Variants in TINAG observed in about 807,000 individuals in gnomAD.
TINAG encodes the protein tubulointerstitial nephritis antigen.
In TINAG, 83 loss-of-function variants were observed where a neutral mutation model predicts 72.7. The observed-to-expected ratio is 1.14, with a 90% CI of 0.96 to 1.37. TINAG has a LOEUF of 1.37. Among genes scored for constraint, TINAG ranks in the 40% most tolerant of loss-of-function variants. The pLI, the probability that TINAG is intolerant of heterozygous loss-of-function variation, is 0.00. For missense variants in TINAG, 685 were observed against 576.6 expected (o/e 1.19, Z -1.93); for synonymous variants, 234 against 189.9 (o/e 1.23, Z -1.91).
chr6:54,358,426 T>C (rs893776048), intron 9 of TINAG, among the ~76,000 whole-genome samples: 1 of 151,644 alleles, frequency 6.6e-6, no homozygotes, highest in South Asian at 2.1e-4. Flanking sequence ...CGTTGATCAG[T>C]AATGCACTTA....
At chr6:54,377,115 T>A (rs1348711026) in intron 9 of TINAG, among the ~76,000 whole-genome samples, 1 of 152,100 alleles carries the variant, frequency 6.6e-6, no homozygotes, top group Admixed American at 6.6e-5. Flanking sequence ...AGAACCGTAT[T>A]ATGTGGATTT....
upstream of TINAG, chr6:54,307,941 T>C: frequency 1.7e-6 from 2 of 1,191,296 alleles, no homozygotes; most frequent in Non-Finnish European, 2.4e-6. Context: ...TAGGTTCCAC[T>C]AAGCCTTGAA....
intron 1 of TINAG, among the ~76,000 whole-genome samples, chr6:54,316,048 C>G (rs1346105716): frequency 6.6e-6 from 1 of 152,204 alleles, no homozygotes; most frequent in Non-Finnish European, 1.5e-5. Context: ...TTCATGAAAT[C>G]TCCAGTTCCT....
intron 9 of TINAG, among the ~76,000 whole-genome samples, chr6:54,356,871 C>T (rs1763056515): frequency 6.6e-6 from 1 of 151,420 alleles, no homozygotes; most frequent in Admixed American, 6.6e-5. Flanking sequence ...TCTCTGTAAT[C>T]ATTTCTATTT....
intron 9 of TINAG, among the ~76,000 whole-genome samples, chr6:54,357,971 G>A (rs186601793): frequency 2.4e-4 from 36 of 151,778 alleles, no homozygotes; most frequent in African/African-American, 8.4e-4. Context: ...TCTCCTTCTC[G>A]CCGACTCCCA....
At chr6:54,351,040 C>G (rs1429174000) in intron 7 of TINAG, among the ~76,000 whole-genome samples, 1 of 151,812 alleles carries the variant, frequency 6.6e-6, no homozygotes, top group Non-Finnish European at 1.5e-5. Context: ...TGGGATATCT[C>G]TTGTGAGAAA....
At chr6:54,384,469 T>C (rs1764038097) in intron 10 of TINAG, among the ~76,000 whole-genome samples, 1 of 152,092 alleles carries the variant, frequency 6.6e-6, no homozygotes, top group African/African-American at 2.4e-5. Context: ...CTATTTAAAA[T>C]GACACATTAT....
intron 9 of TINAG, among the ~76,000 whole-genome samples, chr6:54,369,121 G>A (rs547425856): frequency 6.6e-6 from 1 of 151,970 alleles, no homozygotes; most frequent in Admixed American, 6.6e-5. Flanking sequence ...AATATGTAAT[G>A]TTTGTAAGAA....
At chr6:54,342,397 C>T (rs1246307799) in intron 4 of TINAG, among the ~76,000 whole-genome samples, 4 of 148,464 alleles carry the variant, frequency 2.7e-5, no homozygotes, top group Admixed American at 1.4e-4. Flanking sequence ...CTTGCACTGT[C>T]GCCCAGGCTG....
intron 9 of TINAG, among the ~76,000 whole-genome samples, chr6:54,372,525 G>A (rs1402309563): frequency 6.6e-6 from 1 of 151,892 alleles, no homozygotes; most frequent in Non-Finnish European, 1.5e-5. Context: ...ATTTGGGGGT[G>A]AAGGGAGAGG....
chr6:54,325,849 T>C (rs1293119942), intron 3 of TINAG, among the ~76,000 whole-genome samples: 2 of 152,192 alleles, frequency 1.3e-5, no homozygotes, highest in Non-Finnish European at 2.9e-5. Flanking sequence ...AAAGATTTTA[T>C]GAACTAACAG....
chr6:54,357,969 T>A (rs370705679), intron 9 of TINAG, among the ~76,000 whole-genome samples: 1 of 151,882 alleles, frequency 6.6e-6, no homozygotes, highest in East Asian at 1.9e-4. Context: ...ACTCTCCTTC[T>A]CGCCGACTCC....
intron 1 of TINAG, among the ~76,000 whole-genome samples, chr6:54,315,669 C>G (rs1454208665): frequency 1.4e-5 from 2 of 139,796 alleles, no homozygotes; most frequent in African/African-American, 2.6e-5. Flanking sequence ...AGAATAAGAC[C>G]CTGTCAAAGT....
At position 54,337,346 on chromosome 6, in the gene TINAG, G is replaced by A. The variant is rs867594395; in HGVS notation, c.625-5880G>A. On this transcript the variant is annotated intron_variant, in intron 4 of 10. Coordinates refer to ENST00000259782, the MANE Select transcript of TINAG (RefSeq NM_014464.4). ...CTGCTTCCTGCAACCTCTGCCTCCT[G>A]AGTTCAACCAATTCTCCCTGCCTCA... is the stretch of plus-strand genomic sequence containing the variant. Among the ~76,000 whole-genome samples, 19 of 145,624 alleles carry A rather than the reference G, an allele frequency of 1.3e-4. No homozygotes were observed. In the South Asian group the frequency reaches 4.1e-3, roughly 31 times the overall value.
intron 7 of TINAG, 25 bp downstream of exon 7, chr6:54,349,921 G>A (rs1785223956): frequency 1.3e-6 from 2 of 1,491,560 alleles, no homozygotes; most frequent in Non-Finnish European, 1.8e-6. Flanking sequence ...CAAGAATCAA[G>A]AATAGTTGGC....
chr6:54,329,795 GA>G (rs199785034), intron 4 of TINAG, among the ~76,000 whole-genome samples: 2,384 of 151,756 alleles, frequency 0.016, 30 homozygotes, highest in Non-Finnish European at 0.023. Flanking sequence ...CAAGTAAATG[GA>G]AAGAAAAAAA....
At chr6:54,327,270 C>G in intron 4 of TINAG, 1 of 1,309,486 alleles carries the variant, frequency 7.6e-7, no homozygotes, top group South Asian at 1.4e-5. Flanking sequence ...CTCATTGGGA[C>G]TGGTTAGACA....
intron 10 of TINAG, among the ~76,000 whole-genome samples, chr6:54,389,590 A>G (rs1014080005): frequency 4.6e-5 from 7 of 152,204 alleles, no homozygotes; most frequent in Non-Finnish European, 8.8e-5. Context: ...AGTCATATCA[A>G]TTCTGGCTAT....
chr6:54,328,672 T>C (rs1387985901), intron 4 of TINAG, among the ~76,000 whole-genome samples: 1 of 151,932 alleles, frequency 6.6e-6, no homozygotes, highest in Non-Finnish European at 1.5e-5. Context: ...AACAAACTCC[T>C]CCGAGCTAAG....
Sources: allele counts gnomAD v4.1 joint callset (sites outside exome capture counted in the v4.1 genomes callset), GRCh38; gene constraint gnomAD v4.1.1; transcripts MANE v1.5; gene names NCBI Gene and HGNC (gene_info 2026-07-23, HGNC 2026-07-21).